Variants in PDE7B observed in about 807,000 individuals in gnomAD.
The protein encoded by PDE7B is phosphodiesterase 7B.
Under a neutral mutation model 56.2 loss-of-function variants are expected in PDE7B, and 29 were observed. The ratio of observed to expected loss-of-function variants is 0.52; its 90% confidence interval spans 0.38 to 0.70. The LOEUF (loss-of-function observed/expected upper bound fraction) is 0.70. Among genes scored for constraint, PDE7B ranks in the 30% least tolerant of loss-of-function variants. The pLI is 0.00. For synonymous variants in PDE7B, 197 were observed against 196.9 expected, an observed-to-expected ratio of 1.00 and a Z score of 0.00; for missense variants, 490 against 565.0, an observed-to-expected ratio of 0.87 and a Z score of 1.35.
intron 1 of PDE7B, among the ~76,000 whole-genome samples, chr6:135,855,799 G>C (rs1300584650): frequency 6.6e-6 from 1 of 152,166 alleles, no homozygotes; most frequent in Non-Finnish European, 1.5e-5. Context: ...AGCCAACAAG[G>C]TTCATAGCTG....
intron 2 of PDE7B, chr6:136,037,630 C>A (rs548234057): frequency 1.0e-6 from 1 of 985,392 alleles, no homozygotes; most frequent in Non-Finnish European, 1.2e-6. Context: ...TTGAGAACTC[C>A]TTGGGGCTTG....
chr6:136,103,563 T>C (rs552760546), intron 2 of PDE7B, among the ~76,000 whole-genome samples: 3 of 152,338 alleles, frequency 2.0e-5, no homozygotes, highest in East Asian at 3.9e-4. Context: ...GGCAGTGACA[T>C]GAATTAGTAA....
intron 2 of PDE7B, among the ~76,000 whole-genome samples, chr6:136,009,960 T>C (rs1295153933): frequency 6.6e-6 from 1 of 152,240 alleles, no homozygotes; most frequent in Non-Finnish European, 1.5e-5. Flanking sequence ...AGCTCAGCTC[T>C]GATTTCGATT....
At chr6:136,173,976 A>G (rs996458458) in intron 9 of PDE7B, 88 bp downstream of exon 9, 21 of 874,428 alleles carry the variant, frequency 2.4e-5, no homozygotes, top group African/African-American at 4.9e-5. Flanking sequence ...CTTTTGCGTG[A>G]ATGGCAGAGA....
At chr6:135,995,119 C>T (rs1042805150) in intron 2 of PDE7B, among the ~76,000 whole-genome samples, 3 of 152,164 alleles carry the variant, frequency 2.0e-5, no homozygotes, top group Non-Finnish European at 4.4e-5. Context: ...GCCCTGGGAC[C>T]CTTTGGCCCG....
intron 2 of PDE7B, among the ~76,000 whole-genome samples, chr6:135,977,886 C>A (rs2128203837): frequency 6.6e-6 from 1 of 152,088 alleles, no homozygotes; most frequent in South Asian, 2.1e-4. Flanking sequence ...TACTTTTGCA[C>A]CAGCCTAATA....
chr6:136,131,510 T>C (rs1025528904), intron 3 of PDE7B, among the ~76,000 whole-genome samples: 3 of 147,896 alleles, frequency 2.0e-5, no homozygotes, highest in Admixed American at 6.7e-5. Flanking sequence ...TTTTTTTTTT[T>C]TTTTTTTTTG....
At chr6:136,051,576 G>A (rs573371209) in intron 2 of PDE7B, among the ~76,000 whole-genome samples, 2 of 152,242 alleles carry the variant, frequency 1.3e-5, no homozygotes, top group South Asian at 2.1e-4. Flanking sequence ...AATTGGTCCC[G>A]TAACCAATTC....
chr6:136,011,158 CA>C (rs1327067412), intron 2 of PDE7B, among the ~76,000 whole-genome samples: 1 of 151,950 alleles, frequency 6.6e-6, no homozygotes, highest in Non-Finnish European at 1.5e-5. Flanking sequence ...TTCTCCCCAT[CA>C]AAAAAACAAA....
At chr6:136,092,048 T>A (rs1002967094) in intron 2 of PDE7B, among the ~76,000 whole-genome samples, 2 of 152,188 alleles carry the variant, frequency 1.3e-5, no homozygotes, top group Non-Finnish European at 2.9e-5. Context: ...TGTCCCCGAT[T>A]ATCATCCTGT....
At chr6:136,068,536 T>G (rs1776989553) in intron 2 of PDE7B, among the ~76,000 whole-genome samples, 1 of 149,110 alleles carries the variant, frequency 6.7e-6, no homozygotes. Flanking sequence ...GTTCACACCA[T>G]TCTCCTGCCT....
intron 2 of PDE7B, among the ~76,000 whole-genome samples, chr6:135,968,080 T>C (rs2128202455): frequency 6.6e-6 from 1 of 152,296 alleles, no homozygotes; most frequent in African/African-American, 2.4e-5. Flanking sequence ...TAAAATAGCT[T>C]TGTTGGGAGA....
intron 2 of PDE7B, among the ~76,000 whole-genome samples, chr6:136,036,792 G>C (rs1196463974): frequency 6.6e-6 from 1 of 152,220 alleles, no homozygotes; most frequent in South Asian, 2.1e-4. Context: ...GCAATGTGGA[G>C]ACGTGAAGAG....
chr6:135,895,633 T>C (rs534680447), intron 1 of PDE7B, among the ~76,000 whole-genome samples: 113 of 152,202 alleles, frequency 7.4e-4, no homozygotes, highest in Admixed American at 2.0e-3. Context: ...TTCAGAAATA[T>C]TGGCTAAAAA....
At chr6:135,885,436 C>T (rs914914305) in intron 1 of PDE7B, among the ~76,000 whole-genome samples, 14 of 152,022 alleles carry the variant, frequency 9.2e-5, no homozygotes, top group African/African-American at 3.4e-4. Flanking sequence ...CCATTCTACA[C>T]TCAAATGTTT....
rs146935149 is a variant in PDE7B, at chr6:136,193,285, T to C, written c.*1445T>C. 6 of 152,794 alleles carry C rather than the reference T, an allele frequency of 3.9e-5. No individual in the cohort carries two copies. Among genetic ancestry groups the C allele is most frequent in the Admixed American group, 2.6e-4 (4 of 15,308 alleles). The allele number at this position is 152,794 out of a possible 1,614,324, so 9.5% of individuals were successfully genotyped here. On this transcript the variant is annotated 3_prime_UTR_variant, in exon 13 of 13. Coordinates refer to ENST00000308191, the MANE Select transcript of PDE7B (RefSeq NM_018945.4). ...GGTGTTTGGTTGGTGTGCATTTCTT[T>C]AGTGTCGATAGTAACTGGATTTTTC...
intron 2 of PDE7B, among the ~76,000 whole-genome samples, chr6:136,089,102 C>T (rs1345384415): frequency 6.6e-6 from 1 of 152,114 alleles, no homozygotes; most frequent in Non-Finnish European, 1.5e-5. Context: ...TTTTCTATTA[C>T]ATTTGAAGCC....
intron 3 of PDE7B, among the ~76,000 whole-genome samples, chr6:136,122,527 T>C (rs1429997065): frequency 6.6e-6 from 1 of 152,204 alleles, no homozygotes; most frequent in Admixed American, 6.5e-5. Context: ...CAATATGCTT[T>C]ATAAAAACCT....
intron 3 of PDE7B, among the ~76,000 whole-genome samples, chr6:136,134,976 A>G (rs1195918446): frequency 1.3e-5 from 2 of 151,974 alleles, no homozygotes; most frequent in African/African-American, 4.8e-5. Flanking sequence ...AAAAATAAGC[A>G]TGTTAAAAAG....
Sources: allele counts gnomAD v4.1 joint callset (sites outside exome capture counted in the v4.1 genomes callset), GRCh38; gene constraint gnomAD v4.1.1; transcripts MANE v1.5; gene names NCBI Gene and HGNC (gene_info 2026-07-23, HGNC 2026-07-21).